The following TENM3 variants were observed in gnomAD, a reference collection of about 807,000 sequenced individuals.
TENM3 encodes the protein teneurin transmembrane protein 3, also known as teneurin-3.
A neutral mutation model predicts 255.1 loss-of-function variants in TENM3; 63 were observed. That is an observed-to-expected ratio of 0.25 (90% confidence interval 0.20 to 0.30). The LOEUF is 0.30. Ranked by LOEUF, TENM3 falls within the 10% of genes least tolerant of loss-of-function variation. TENM3 has a pLI of 1.00. For synonymous variants in TENM3, 1,306 were observed against 1,322.3 expected (o/e 0.99, Z 0.27); for missense variants, 2,929 against 3,461.1 (o/e 0.85, Z 3.86).
chr4:182,342,551 G>A (rs1037707256), intron 2 of TENM3, among the ~76,000 whole-genome samples: 6 of 152,130 alleles, frequency 3.9e-5, no homozygotes, highest in African/African-American at 1.4e-4. Flanking sequence ...AATTAATTGT[G>A]CCCATAGTTG....
chr4:181,790,363 G>A, the TENM3 span, among the ~76,000 whole-genome samples: 1 of 152,138 alleles, frequency 6.6e-6, no homozygotes, highest in Non-Finnish European at 1.5e-5. Flanking sequence ...ACACTAAATA[G>A]AACATTGTTC....
At chr4:182,273,207 T>TC (rs1291303135) in intron 1 of TENM3, among the ~76,000 whole-genome samples, 1 of 152,136 alleles carries the variant, frequency 6.6e-6, no homozygotes, top group African/African-American at 2.4e-5. Context: ...TCTCAGTCGA[T>TC]CCCCCGACAG....
the TENM3 span, among the ~76,000 whole-genome samples, chr4:182,118,285 G>C: frequency 6.6e-6 from 1 of 151,840 alleles, no homozygotes; most frequent in Admixed American, 6.6e-5. Context: ...TGCCTTTCTT[G>C]TCTTATTGAA....
rs1415663476 is a variant in TENM3 at position 182,799,650 on chromosome 4, C to A, written c.7399C>A (p.Leu2467Met). ...VARQAKAFLS[L>M]GKMAEVQVSR... ...GCGGCAGGCCAAGGCCTTCCTGTCGCTGGGGAAGATGGCCGAGGTGCAGGT... is the reference window on the plus strand; with the variant it reads ...GCGGCAGGCCAAGGCCTTCCTGTCGATGGGGAAGATGGCCGAGGTGCAGGT... Residue 2467 changes from leucine (L) to methionine (M), a missense_variant, in exon 28 of 28, where the codon CTG (leucine) becomes ATG (methionine). By Grantham distance (15) the Leu-to-Met change is conservative. Coordinates refer to ENST00000511685, the MANE Select transcript of TENM3 (RefSeq NM_001080477.4). The surrounding 1 kb of genome is among the most constrained non-coding windows in gnomAD (Gnocchi z 4.2). The A allele has an allele frequency of 2.6e-6, 4 of 1,547,526 alleles. No individual in the cohort carries two copies. Among genetic ancestry groups the A allele is most frequent in the Non-Finnish European group, 3.5e-6 (4 of 1,146,676 alleles).
intron 3 of TENM3, among the ~76,000 whole-genome samples, chr4:182,446,127 A>G (rs1214615018): frequency 6.6e-6 from 1 of 152,206 alleles, no homozygotes. Context: ...GTTTAAAACC[A>G]TGTCTCTTCC....
At chr4:181,578,669 G>T in the TENM3 span, among the ~76,000 whole-genome samples, 2 of 152,124 alleles carry the variant, frequency 1.3e-5, no homozygotes, top group Non-Finnish European at 2.9e-5. Flanking sequence ...TCAAAGGACT[G>T]CAGTGAGGAG....
the TENM3 span, among the ~76,000 whole-genome samples, chr4:181,687,609 C>T: frequency 3.9e-5 from 6 of 152,136 alleles, no homozygotes; most frequent in South Asian, 4.1e-4. Context: ...AGTTGTTAGA[C>T]GCTGGCAGTC....
the TENM3 span, among the ~76,000 whole-genome samples, chr4:181,454,691 TC>T: frequency 4.7e-5 from 7 of 150,082 alleles, no homozygotes; most frequent in African/African-American, 9.8e-5. Flanking sequence ...ACTTTTTTTT[TC>T]TGGTGTGCCT....
At chr4:181,508,554 A>G in the TENM3 span, among the ~76,000 whole-genome samples, 47 of 152,314 alleles carry the variant, frequency 3.1e-4, no homozygotes, top group Non-Finnish European at 5.9e-5. Context: ...CGGTGTTTGT[A>G]ATGCTATTAA....
intron 24 of TENM3, 143 bp from the exon 25 acceptor site, chr4:182,788,950 G>T (rs2152824722): frequency 3.0e-6 from 2 of 662,814 alleles, no homozygotes; most frequent in Middle Eastern, 4.1e-4. Flanking sequence ...TTAATCTACT[G>T]CCTTGCACTT....
At chr4:182,102,899 G>T in the TENM3 span, among the ~76,000 whole-genome samples, 2 of 152,168 alleles carry the variant, frequency 1.3e-5, no homozygotes, top group African/African-American at 4.8e-5. Context: ...CATTCAGTAA[G>T]TGCTCAATAA....
chr4:182,750,392 C>A (rs1164232319), intron 19 of TENM3, among the ~76,000 whole-genome samples: 1 of 149,552 alleles, frequency 6.7e-6, no homozygotes, highest in Non-Finnish European at 1.5e-5. Flanking sequence ...AGCCTAAGAG[C>A]TCTTCAGAGC....
chr4:182,397,340 G>A (rs1266311352), intron 3 of TENM3, among the ~76,000 whole-genome samples: 6 of 143,314 alleles, frequency 4.2e-5, no homozygotes, highest in Non-Finnish European at 9.0e-5. Context: ...GGTGGAGGGT[G>A]CAGTGAGCCG....
At chr4:182,579,757 A>G (rs1466159416) in intron 3 of TENM3, among the ~76,000 whole-genome samples, 1 of 152,222 alleles carries the variant, frequency 6.6e-6, no homozygotes, top group East Asian at 1.9e-4. Context: ...TTTTGCAGTG[A>G]ACCTTTAAAA....
At chr4:182,175,744 T>C (rs990110784) in intron 1 of TENM3, among the ~76,000 whole-genome samples, 5 of 152,176 alleles carry the variant, frequency 3.3e-5, no homozygotes, top group Non-Finnish European at 4.4e-5. Context: ...ACCAGTGTAA[T>C]TGGTTTGCTG....
At chr4:182,066,165 A>T in the TENM3 span, among the ~76,000 whole-genome samples, 2 of 152,102 alleles carry the variant, frequency 1.3e-5, no homozygotes, top group Admixed American at 1.3e-4. Context: ...CTTTTTCCCC[A>T]TTTCTAATAT....
At chr4:181,601,612 GTATT>G in the TENM3 span, among the ~76,000 whole-genome samples, 7 of 152,202 alleles carry the variant, frequency 4.6e-5, no homozygotes, top group South Asian at 6.2e-4. Flanking sequence ...ATAAAGTTGA[GTATT>G]TATATATATT....
At chr4:181,704,306 GC>G in the TENM3 span, among the ~76,000 whole-genome samples, 1 of 152,070 alleles carries the variant, frequency 6.6e-6, no homozygotes, top group Non-Finnish European at 1.5e-5. Context: ...TCCTGATTCT[GC>G]CTTGCAAAGT....
At chr4:182,074,748 A>G in the TENM3 span, among the ~76,000 whole-genome samples, 2 of 152,190 alleles carry the variant, frequency 1.3e-5, no homozygotes, top group Non-Finnish European at 2.9e-5. Context: ...ATAGAATTAA[A>G]TCAGAGGTCA....
Sources: gnomAD v4.1 joint callset for allele counts (sites outside exome capture counted in the v4.1 genomes callset) on GRCh38, gnomAD v4.1.1 for gene constraint, Gnocchi (gnomAD v3.1) non-coding constraint, MANE v1.5 for transcripts, NCBI Gene and HGNC (gene_info 2026-07-23, HGNC 2026-07-21) for gene names.